The following RBFOX1 variants were observed in gnomAD, a reference collection of about 807,000 sequenced individuals.
RBFOX1 encodes RNA binding protein fox-1 homolog 1.
Under a neutral mutation model 57.7 loss-of-function variants are expected in RBFOX1, and 8 were observed. The observed-to-expected ratio is 0.14, with a 90% CI of 0.08 to 0.25. The LOEUF is 0.25. Ranked by LOEUF, RBFOX1 falls within the 10% of genes least tolerant of loss-of-function variation. The pLI is 1.00. For missense variants in RBFOX1, 611 were observed against 548.5 expected (o/e 1.11, Z -1.14); for synonymous variants, 326 against 222.4 (o/e 1.47, Z -4.15).
At chr16:7,026,903 C>G (rs546955382) in intron 3 of RBFOX1, among the ~76,000 whole-genome samples, 2 of 152,284 alleles carry the variant, frequency 1.3e-5, no homozygotes, top group East Asian at 1.9e-4. Context: ...GCCTGTGCCC[C>G]GTAGGGTAAT....
At chr16:7,569,113 A>G (rs2152754461) in intron 5 of RBFOX1, among the ~76,000 whole-genome samples, 1 of 152,156 alleles carries the variant, frequency 6.6e-6, no homozygotes, top group East Asian at 1.9e-4. Context: ...CATGGCTCTA[A>G]AACAGGACCG....
Position 6,529,848 on chromosome 16 carries a change from A to G in RBFOX1, c.-63-124755A>G, listed in dbSNP as rs541283055. On this transcript the variant is annotated intron_variant, in intron 2 of 15. Coordinates refer to ENST00000550418, the MANE Select transcript of RBFOX1 (RefSeq NM_018723.4). ...TTTTATTAAATATTATCCCTAGTTT[A>G]TTGAACAGAGTCAGCTCAGTGAGAT... Among the ~76,000 whole-genome samples the G allele has an allele frequency of 2.6e-5, 4 of 152,194 alleles. No individual in the cohort carries two copies. In the East Asian group the frequency reaches 7.8e-4, roughly 29 times the overall value.
At chr16:7,297,570 A>C (rs1371114651) in intron 4 of RBFOX1, among the ~76,000 whole-genome samples, 2 of 152,118 alleles carry the variant, frequency 1.3e-5, no homozygotes, top group East Asian at 3.9e-4. Flanking sequence ...AATTATCTAG[A>C]ATATTGCAAC....
At position 6,254,753 on chromosome 16, in the gene RBFOX1, A is replaced by G. The variant is rs139262045; in HGVS notation, c.-126-62242A>G. The stretch of plus-strand genomic sequence containing the variant: ...CCTCTTTTAAAATTAACATAAATTA[A>G]AACAATATATTTCTGTCTTCTGAAA... On this transcript the variant is annotated intron_variant, in intron 1 of 15. Transcript: ENST00000550418. Among the ~76,000 whole-genome samples the G allele has an allele frequency of 1.7e-3, 258 of 152,296 alleles. 1 individual carries two copies. The highest frequency in any genetic ancestry group is 6.8e-3 in the Middle Eastern group (2 of 294).
In RBFOX1 at chr16:7,013,738, G is replaced by A. The variant is rs1478231239; in HGVS notation, c.-15-38319G>A. On this transcript the variant is annotated intron_variant, in intron 3 of 15. Coordinates refer to ENST00000550418, the MANE Select transcript of RBFOX1 (RefSeq NM_018723.4). ...ACTGGCACAATCACTGCTCACTGCA[G>A]CCTCAAACTCCCAGGCTCAAGCAAT... Among the ~76,000 whole-genome samples the A allele has an allele frequency of 2.0e-5, 3 of 151,680 alleles. No homozygotes were observed. The East Asian group carries it at 5.9e-4, about 30-fold the overall frequency.
intron 3 of RBFOX1, among the ~76,000 whole-genome samples, chr16:6,667,878 G>C (rs1034382264): frequency 2.0e-5 from 3 of 151,556 alleles, no homozygotes; most frequent in African/African-American, 7.3e-5. Flanking sequence ...GACAGAGCAA[G>C]ACCCTATCTT....
At chr16:5,627,396 C>G (rs928672013) in intron 3 of RBFOX1, among the ~76,000 whole-genome samples, 1 of 151,232 alleles carries the variant, frequency 6.6e-6, no homozygotes, top group Non-Finnish European at 1.5e-5. Context: ...GCAATTTTGC[C>G]TTTTAACCAT....
At chr16:6,841,103 A>G (rs535953672) in intron 3 of RBFOX1, among the ~76,000 whole-genome samples, 6 of 151,416 alleles carry the variant, frequency 4.0e-5, no homozygotes, top group Non-Finnish European at 5.9e-5. Context: ...TTTTTTTTCA[A>G]TTTTCTTGTG....
chr16:6,685,312 G>A (rs2059270568), intron 3 of RBFOX1, among the ~76,000 whole-genome samples: 1 of 117,652 alleles, frequency 8.5e-6, no homozygotes, highest in Admixed American at 1.1e-4. Flanking sequence ...GTCTCACCCT[G>A]TTGCCCAGGC....
chr16:7,697,051 G>C (rs189000061), intron 14 of RBFOX1, among the ~76,000 whole-genome samples: 2 of 152,282 alleles, frequency 1.3e-5, no homozygotes, highest in East Asian at 3.9e-4. Flanking sequence ...GATTTTAACA[G>C]TGATGCAGAG....
At chr16:6,999,180 T>TTTTA (rs371060200) in intron 3 of RBFOX1, among the ~76,000 whole-genome samples, 5,521 of 99,666 alleles carry the variant, frequency 0.055, 368 homozygotes, top group African/African-American at 0.15. Flanking sequence ...TTTTATTTTA[T>TTTTA]TTTATTTTAT....
At chr16:7,571,276 G>A (rs995723828) in intron 5 of RBFOX1, among the ~76,000 whole-genome samples, 4 of 152,102 alleles carry the variant, frequency 2.6e-5, no homozygotes, top group African/African-American at 7.2e-5. Context: ...AAGATGCCAC[G>A]CAGGTGGCCT....
intron 1 of RBFOX1, among the ~76,000 whole-genome samples, chr16:6,210,137 G>A (rs914988700): frequency 1.1e-4 from 16 of 151,576 alleles, no homozygotes; most frequent in Non-Finnish European, 1.2e-4. Flanking sequence ...GGCCAACATG[G>A]TGAAACCCCA....
chr16:7,256,718 C>A (rs1221673291), intron 4 of RBFOX1, among the ~76,000 whole-genome samples: 1 of 152,154 alleles, frequency 6.6e-6, no homozygotes, highest in African/African-American at 2.4e-5. Flanking sequence ...GAGAAGGACG[C>A]CCAGGGCCAT....
intron 2 of RBFOX1, among the ~76,000 whole-genome samples, chr16:5,492,022 C>T (rs2042850347): frequency 6.6e-6 from 1 of 152,148 alleles, no homozygotes; most frequent in Admixed American, 6.6e-5. Flanking sequence ...AGTGTGGGCC[C>T]CAGACCAGCA....
At chr16:5,962,244 C>T (rs1026641927) in intron 4 of RBFOX1, among the ~76,000 whole-genome samples, 1 of 152,214 alleles carries the variant, frequency 6.6e-6, no homozygotes, top group Non-Finnish European at 1.5e-5. Context: ...AGATCCACTT[C>T]TCATCAAGCC....
chr16:6,052,804 T>TATAATAATAATAATAATAATA (rs200513769), intron 1 of RBFOX1, among the ~76,000 whole-genome samples: 33 of 144,222 alleles, frequency 2.3e-4, no homozygotes, highest in Admixed American at 3.5e-4. Context: ...TAAAATAAAA[T>TATAATAATAATAATAATAATA]ATAATAATAA....
rs1284403023 is a variant in RBFOX1 at position 7,204,765 on chromosome 16, A to C, written c.27+152667A>C. Among the ~76,000 whole-genome samples the C allele has an allele frequency of 3.9e-5, 6 of 151,920 alleles. No homozygotes were observed. The East Asian group carries it at 1.2e-3, about 29-fold the overall frequency. On this transcript the variant is annotated intron_variant, in intron 4 of 15. Coordinates refer to ENST00000550418, the MANE Select transcript of RBFOX1 (RefSeq NM_018723.4). ...CATCTCCTTTTCTCCCCCTCTCCCC[A>C]ATCCTTTCTCTTTTCCTTCTTTTCT...
intron 3 of RBFOX1, among the ~76,000 whole-genome samples, chr16:6,921,919 G>A (rs976406755): frequency 1.3e-5 from 2 of 152,094 alleles, no homozygotes; most frequent in Non-Finnish European, 2.9e-5. Context: ...CAGGAAGTCA[G>A]GGATCATTGG....
Sources: allele counts gnomAD v4.1 joint callset (sites outside exome capture counted in the v4.1 genomes callset), GRCh38; gene constraint gnomAD v4.1.1; transcripts MANE v1.5; gene names NCBI Gene and HGNC (gene_info 2026-07-23, HGNC 2026-07-21).